Variants in CLVS1 observed in about 807,000 individuals in gnomAD.
CLVS1 encodes clavesin 1.
CLVS1 carries 10 observed loss-of-function variants against 33.1 expected under a neutral mutation model. That is an observed-to-expected ratio of 0.30 (90% CI 0.19 to 0.51). The LOEUF is 0.51. CLVS1 is among the 20% of genes least tolerant of loss of function. The pLI, the probability that CLVS1 is intolerant of heterozygous loss-of-function variation, is 0.97. For synonymous variants in CLVS1, 163 were observed against 166.1 expected (o/e 0.98, Z 0.14); for missense variants, 343 against 433.4 (o/e 0.79, Z 1.85).
chr8:61,121,039 G>T (rs1358052358), intron 1 of CLVS1, among the ~76,000 whole-genome samples: 1 of 151,828 alleles, frequency 6.6e-6, no homozygotes, highest in African/African-American at 2.4e-5. Flanking sequence ...CGTGGGCGTA[G>T]GACCCTCCAA....
chr8:61,355,963 C>G (rs918009144), intron 2 of CLVS1, among the ~76,000 whole-genome samples: 5 of 152,096 alleles, frequency 3.3e-5, no homozygotes, highest in African/African-American at 7.2e-5. Context: ...GGTATTTCTA[C>G]TTCTAGATCC....
rs374297592 is a variant in CLVS1 at position 61,097,334 on chromosome 8, TAAAC to T, written c.-242-34432_-242-34429del. 6.5e-3 allele frequency among the ~76,000 whole-genome samples: 989 copies of T among 151,916 alleles called. 11 individuals carry two copies. Among genetic ancestry groups the T allele is most frequent in the African/African-American group, 0.022 (920 of 41,424 alleles). ...TTAAATTAATTAATTAATTAAAAAA[TAAAC>T]AAATAATAAATAAAAACTCAGTGTA... On this transcript the variant is annotated intron_variant, in intron 1 of 2. Transcript: ENST00000522621.
At chr8:61,313,647 T>C (rs1351518864) in intron 2 of CLVS1, among the ~76,000 whole-genome samples, 75 of 152,122 alleles carry the variant, frequency 4.9e-4, no homozygotes, top group Admixed American at 4.8e-3. Flanking sequence ...TATCCATGAG[T>C]ACAGTGCAGG....
rs377669144 is a variant in CLVS1, at chr8:61,454,250, G to C, written c.740G>C (p.Arg247Pro). 1.2e-6 allele frequency: 2 copies of C among 1,608,514 alleles called. No homozygotes were observed. Among genetic ancestry groups the C allele is most frequent in the Admixed American group, 1.7e-5 (1 of 60,010 alleles). ...TTTCTTAAAGACAAGACCAGGAAAC[G>C]GGTAATGAAAACAAATGCATCATGT... ...KPFLKDKTRK[R>P]IFLHGNNLNS... Residue 247 changes from arginine (R) to proline (P), a missense_variant and splice_region_variant, in exon 4 of 6, where the codon CGG becomes CCG. Arg to Pro is a moderately radical substitution (Grantham distance 103). Transcript: ENST00000325897.
intron 3 of CLVS1, among the ~76,000 whole-genome samples, chr8:61,453,562 A>G (rs1817038580): frequency 6.6e-6 from 1 of 152,210 alleles, no homozygotes; most frequent in South Asian, 2.1e-4. Flanking sequence ...CACTGGAGCT[A>G]GTACTGCAAT....
intron 2 of CLVS1, among the ~76,000 whole-genome samples, chr8:61,252,154 C>T (rs773213461): frequency 6.6e-6 from 1 of 152,172 alleles, no homozygotes; most frequent in South Asian, 2.1e-4. Context: ...GTCTTTATTT[C>T]TGCCTTCATT....
At chr8:61,268,290 G>C (rs1374188584) in intron 2 of CLVS1, among the ~76,000 whole-genome samples, 1 of 151,726 alleles carries the variant, frequency 6.6e-6, no homozygotes, top group Non-Finnish European at 1.5e-5. Context: ...TCTTGTGATA[G>C]TGTACTGAGA....
At chr8:61,077,441 GTATTATTATTATTATTATTAT>G (rs57149995) in intron 1 of CLVS1, among the ~76,000 whole-genome samples, 11,139 of 138,280 alleles carry the variant, frequency 0.081, 525 homozygotes, top group African/African-American at 0.12. Flanking sequence ...CCCTCTAAAA[GTATTATTATTATTATTATTAT>G]TATTATTATT....
At chr8:61,016,163 T>A in the CLVS1 span, among the ~76,000 whole-genome samples, 1 of 152,230 alleles carries the variant, frequency 6.6e-6, no homozygotes, top group Admixed American at 6.5e-5. Context: ...AAGATGTATA[T>A]GAACCATAAA....
intron 3 of CLVS1, among the ~76,000 whole-genome samples, chr8:61,415,326 C>A (rs957240541): frequency 6.6e-6 from 1 of 152,216 alleles, no homozygotes; most frequent in Non-Finnish European, 1.5e-5. Flanking sequence ...AGCTGGGGCA[C>A]CTGCCCTGGA....
intron 1 of CLVS1, among the ~76,000 whole-genome samples, chr8:61,062,151 C>G (rs1231334903): frequency 6.6e-6 from 1 of 152,092 alleles, no homozygotes; most frequent in Non-Finnish European, 1.5e-5. Context: ...AAACTCCACC[C>G]CTGGGATGCT....
At chr8:61,013,343 C>A in the CLVS1 span, among the ~76,000 whole-genome samples, 6 of 152,334 alleles carry the variant, frequency 3.9e-5, no homozygotes, top group Non-Finnish European at 8.8e-5. Flanking sequence ...TGGCTCTGGT[C>A]CCCAGCTGTG....
At chr8:61,324,873 C>T (rs1811322400) in intron 2 of CLVS1, among the ~76,000 whole-genome samples, 1 of 152,054 alleles carries the variant, frequency 6.6e-6, no homozygotes. Context: ...AATTCTTTAT[C>T]TAGAGATTTG....
chr8:61,102,125 T>G (rs756328136), intron 1 of CLVS1, among the ~76,000 whole-genome samples: 5 of 152,194 alleles, frequency 3.3e-5, no homozygotes, highest in Non-Finnish European at 7.4e-5. Flanking sequence ...TCAAATTTCT[T>G]TAAAGAAGCC....
rs550614258 is a variant in CLVS1 at position 61,150,545 on chromosome 8, C to G, written c.-152+18685C>G. Reference sequence around the variant, plus strand: ...CTTTGATTCCACCCCCAGCCCTCCTCCCCTCCCATGCAGACCATGTTGGGA... The same window carrying G: ...CTTTGATTCCACCCCCAGCCCTCCTGCCCTCCCATGCAGACCATGTTGGGA... On this transcript the variant is annotated intron_variant, in intron 2 of 2. Transcript: ENST00000522621. Among the ~76,000 whole-genome samples, 28 of 152,274 alleles carry G rather than the reference C, an allele frequency of 1.8e-4. No individual in the cohort carries two copies. In the South Asian group the frequency reaches 5.4e-3, roughly 29 times the overall value.
the CLVS1 span, among the ~76,000 whole-genome samples, chr8:60,999,285 C>T: frequency 4.6e-5 from 7 of 152,170 alleles, no homozygotes; most frequent in South Asian, 2.1e-4. Context: ...GAAGAGGAAG[C>T]GACCTGGGTA....
chr8:61,333,140 T>C (rs1811663396), intron 2 of CLVS1, among the ~76,000 whole-genome samples: 1 of 152,262 alleles, frequency 6.6e-6, no homozygotes, highest in Admixed American at 6.5e-5. Context: ...CTGATTTTGT[T>C]TTTATTACAT....
chr8:61,096,982 G>A lies in CLVS1; in HGVS notation c.-242-34788G>A, dbSNP rs114659732. On this transcript the variant is annotated intron_variant, in intron 1 of 2. Coordinates refer to the CLVS1 transcript ENST00000522621. ...TCCTGCAGGATTCTGTGAACGCTGCGTTCTATTATCTCCACCCTCAGACAT... is the reference window on the plus strand; with the variant it reads ...TCCTGCAGGATTCTGTGAACGCTGCATTCTATTATCTCCACCCTCAGACAT... 3.9e-3 allele frequency among the ~76,000 whole-genome samples: 596 copies of A among 152,206 alleles called. 6 individuals carry two copies. The highest frequency in any genetic ancestry group is 0.014 in the African/African-American group (561 of 41,522).
chr8:61,259,857 T>A (rs1447121743), intron 2 of CLVS1, among the ~76,000 whole-genome samples: 1 of 152,234 alleles, frequency 6.6e-6, no homozygotes, highest in Non-Finnish European at 1.5e-5. Flanking sequence ...TATCCCTGCA[T>A]GCAGAGGGTA....
Sources: gnomAD v4.1 joint callset for allele counts (sites outside exome capture counted in the v4.1 genomes callset) on GRCh38, gnomAD v4.1.1 for gene constraint, MANE v1.5 for transcripts, NCBI Gene and HGNC (gene_info 2026-07-23, HGNC 2026-07-21) for gene names.